Variants in TLE1 observed in about 807,000 individuals in gnomAD.
TLE1 encodes the protein transducin-like enhancer protein 1.
In TLE1, 21 loss-of-function variants were observed where a neutral mutation model predicts 89.8. That is an observed-to-expected ratio of 0.23 (90% confidence interval 0.17 to 0.34). The LOEUF is 0.34. TLE1 is among the 10% of genes least tolerant of loss of function. The probability of loss-of-function intolerance (pLI) is 1.00; values close to 1 mark genes in which losing one functional copy is unlikely to be tolerated. For synonymous variants in TLE1, 447 were observed against 407.6 expected (o/e 1.10, Z -1.16); for missense variants, 795 against 1,031.2 (o/e 0.77, Z 3.14).
intron 6 of TLE1, among the ~76,000 whole-genome samples, chr9:81,642,157 G>A (rs565059399): frequency 6.6e-5 from 10 of 152,294 alleles, no homozygotes; most frequent in African/African-American, 2.4e-4. Flanking sequence ...AATGTAAATT[G>A]GTACAGCCCT....
Position 81,631,220 on chromosome 9 carries a change from C to T in TLE1, c.594+2128G>A, listed in dbSNP as rs189574147. ...CTTCATACTTCTTGAAGGGGACAACCAATAACCCTCCCTCCACCCACTCCA... is the reference window on the plus strand; with the variant it reads ...CTTCATACTTCTTGAAGGGGACAACTAATAACCCTCCCTCCACCCACTCCA... On this transcript the variant is annotated intron_variant, in intron 8 of 19. Transcript: ENST00000376499. 3.2e-4 allele frequency among the ~76,000 whole-genome samples: 49 copies of T among 152,342 alleles called. 1 individual carries two copies. The East Asian group carries it at 9.1e-3, about 28-fold the overall frequency.
intron 15 of TLE1, 149 bp downstream of exon 15, chr9:81,592,876 G>C (rs1829739057): frequency 9.0e-7 from 1 of 1,109,898 alleles, no homozygotes; most frequent in Non-Finnish European, 1.2e-6. Context: ...CATTTAAATG[G>C]GGAGCCGAGG....
chr9:81,679,558 C>G (rs1019435169), intron 4 of TLE1, among the ~76,000 whole-genome samples: 1 of 152,106 alleles, frequency 6.6e-6, no homozygotes, highest in Non-Finnish European at 1.5e-5. Flanking sequence ...CATCCTAGTT[C>G]CACTTAAAAC....
Position 81,680,198 on chromosome 9 carries a change from G to A in TLE1, c.234+5478C>T, listed in dbSNP as rs543691753. Among the ~76,000 whole-genome samples the A allele has an allele frequency of 9.9e-5, 15 of 152,258 alleles. No homozygotes were observed. The South Asian group carries it at 2.1e-3, about 21-fold the overall frequency. ...GAGAGGGGAACTGAAGCCAGGGAAC[G>A]TGTTCATGACTTGCCCAGTCCCGAA... On this transcript the variant is annotated intron_variant, in intron 4 of 19. Coordinates refer to ENST00000376499, the MANE Select transcript of TLE1 (RefSeq NM_005077.5).
chr9:81,610,349 G>T, intron 13 of TLE1, 53 bp from the exon 14 acceptor site: 1 of 1,354,254 alleles, frequency 7.4e-7, no homozygotes, highest in Non-Finnish European at 1.1e-6. Context: ...CAGGCACTTT[G>T]TGAACATCAA....
At chr9:81,620,167 G>A (rs1029650388) in intron 9 of TLE1, among the ~76,000 whole-genome samples, 3 of 152,134 alleles carry the variant, frequency 2.0e-5, no homozygotes, top group African/African-American at 7.2e-5. Flanking sequence ...CAAGAGCAGG[G>A]CCCTGAGCAA....
At chr9:81,611,648 G>C (rs564079378) in intron 13 of TLE1, 121 bp downstream of exon 13, 8 of 956,290 alleles carry the variant, frequency 8.4e-6, no homozygotes, top group Admixed American at 8.5e-5. Flanking sequence ...TGTCTCCGAG[G>C]TGTGTGGGGC....
intron 4 of TLE1, among the ~76,000 whole-genome samples, chr9:81,665,632 TCTC>T (rs1831366745): frequency 6.6e-6 from 1 of 152,066 alleles, no homozygotes; most frequent in Non-Finnish European, 1.5e-5. Context: ...CGGAGAAAGC[TCTC>T]CTATCTTCGC....
At chr9:81,593,575 CACTT>C (rs1194475319) in intron 14 of TLE1, among the ~76,000 whole-genome samples, 1 of 152,138 alleles carries the variant, frequency 6.6e-6, no homozygotes, top group African/African-American at 2.4e-5. Context: ...CATTATAAAA[CACTT>C]AATGTACTTC....
At chr9:81,613,916 T>TC (rs1281548161) in intron 11 of TLE1, among the ~76,000 whole-genome samples, 3 of 147,186 alleles carry the variant, frequency 2.0e-5, no homozygotes, top group Non-Finnish European at 4.5e-5. Flanking sequence ...CTTTTTTTTT[T>TC]TTTTTTTTTG....
At chr9:81,610,114 T>G (rs1029816689) in intron 14 of TLE1, 106 bp downstream of exon 14, 5 of 974,548 alleles carry the variant, frequency 5.1e-6, no homozygotes, top group Admixed American at 2.3e-5. Flanking sequence ...ACCAGAAATC[T>G]CCTTGGAAAC....
At chr9:81,668,632 A>C (rs910436719) in intron 4 of TLE1, among the ~76,000 whole-genome samples, 1 of 152,212 alleles carries the variant, frequency 6.6e-6, no homozygotes, top group Non-Finnish European at 1.5e-5. Flanking sequence ...GATGGGAAAA[A>C]AAGTGTCGTA....
intron 14 of TLE1, among the ~76,000 whole-genome samples, chr9:81,606,076 A>G (rs1273940385): frequency 6.6e-6 from 1 of 152,214 alleles, no homozygotes; most frequent in East Asian, 1.9e-4. Flanking sequence ...ATGAGATACC[A>G]TCTCATGCCA....
intron 4 of TLE1, among the ~76,000 whole-genome samples, chr9:81,684,178 G>A (rs953631539): frequency 1.3e-5 from 2 of 150,828 alleles, no homozygotes; most frequent in African/African-American, 2.4e-5. Flanking sequence ...AAACCGCCTA[G>A]GCCAAGTTTA....
rs142458504 is a variant in TLE1, at chr9:81,584,102, AT to A, written c.*95del. On this transcript the variant is annotated 3_prime_UTR_variant, in exon 20 of 20. Coordinates refer to ENST00000376499, the MANE Select transcript of TLE1 (RefSeq NM_005077.5). ...CAAGGTTTGGAAACAGGTGTTTGTA[AT>A]TTTTTTTCTCTTTTAAAGTTACAAC... 7.2e-5 allele frequency: 82 copies of A among 1,139,768 alleles called. No homozygotes were observed. The highest frequency in any genetic ancestry group is 1.4e-4 in the Admixed American group (7 of 50,390). 70.6% of individuals were successfully genotyped at this position (1,139,768 alleles called of 1,614,324 possible).
At chr9:81,665,357 T>C (rs1442745406) in intron 4 of TLE1, among the ~76,000 whole-genome samples, 2 of 152,144 alleles carry the variant, frequency 1.3e-5, no homozygotes, top group Non-Finnish European at 1.5e-5. Context: ...AAGTCACCAA[T>C]TACTGGCAGA....
chr9:81,586,332 A>C (rs534463139), intron 17 of TLE1, among the ~76,000 whole-genome samples: 19 of 152,074 alleles, frequency 1.2e-4, no homozygotes, highest in Non-Finnish European at 2.4e-4. Context: ...AGGTGACTTT[A>C]TTGTGTGAAC....
chr9:81,663,640 T>G (rs887092922), intron 4 of TLE1, among the ~76,000 whole-genome samples: 3 of 150,048 alleles, frequency 2.0e-5, no homozygotes, highest in African/African-American at 7.4e-5. Context: ...TTTTTTTTTT[T>G]GAGATGGAGT....
At chr9:81,588,294 G>A (rs1045986887) in intron 16 of TLE1, among the ~76,000 whole-genome samples, 1 of 152,200 alleles carries the variant, frequency 6.6e-6, no homozygotes, top group African/African-American at 2.4e-5. Flanking sequence ...AGCACAGGGT[G>A]TACAGAAGCA....
Sources: allele counts gnomAD v4.1 joint callset (sites outside exome capture counted in the v4.1 genomes callset), GRCh38; gene constraint gnomAD v4.1.1; transcripts MANE v1.5; gene names NCBI Gene and HGNC (gene_info 2026-07-23, HGNC 2026-07-21).